ECI2: variants seen among roughly 807,000 people sequenced by gnomAD.
ECI2 encodes the protein enoyl-CoA delta isomerase 2.
In ECI2, 27 loss-of-function variants were observed where a neutral mutation model predicts 38.4. The ratio of observed to expected loss-of-function variants is 0.70; its 90% CI spans 0.52 to 0.97. The LOEUF (loss-of-function observed/expected upper bound fraction) is 0.97, where lower values mean the gene tolerates loss of function less well. ECI2 is among the 50% of genes least tolerant of loss of function. The pLI is 0.00. For synonymous variants in ECI2, 168 were observed against 172.0 expected (o/e 0.98, Z 0.18); for missense variants, 470 against 474.4 (o/e 0.99, Z 0.09).
At chr6:4,123,617 G>T (rs78216271) in intron 7 of ECI2, among the ~76,000 whole-genome samples, 2 of 151,130 alleles carry the variant, frequency 1.3e-5, no homozygotes, top group South Asian at 4.2e-4. Flanking sequence ...TATGTTTTCT[G>T]ATTTCAACAT....
intron 4 of ECI2, among the ~76,000 whole-genome samples, chr6:4,129,619 A>G (rs1396617521): frequency 6.6e-6 from 1 of 152,192 alleles, no homozygotes; most frequent in African/African-American, 2.4e-5. Context: ...GAAATGAGTC[A>G]GGGGAAAGTG....
intron 4 of ECI2, 53 bp from the exon 5 acceptor site, chr6:4,127,884 C>G: frequency 1.3e-6 from 2 of 1,537,868 alleles, no homozygotes; most frequent in African/African-American, 1.4e-5. Context: ...CAGGAATCAT[C>G]AATCAATGGA....
chr6:4,129,833 G>A (rs143169332), intron 4 of ECI2, among the ~76,000 whole-genome samples: 2 of 152,164 alleles, frequency 1.3e-5, no homozygotes, highest in African/African-American at 4.8e-5. Flanking sequence ...TCAAGAAGAA[G>A]GGGCTAAGGT....
intron 8 of ECI2, 95 bp from the exon 9 acceptor site, chr6:4,117,546 T>C (rs768920826): frequency 3.0e-5 from 45 of 1,494,418 alleles, no homozygotes; most frequent in Non-Finnish European, 3.6e-5. Flanking sequence ...GATGTACTCA[T>C]GGTCTTTTGA....
rs561239737 is a variant in ECI2, at chr6:4,128,208, GA to G, written c.502-378del. 3.7e-3 allele frequency among the ~76,000 whole-genome samples: 559 copies of G among 152,048 alleles called. 4 individuals carry two copies. The highest frequency in any genetic ancestry group is 0.012 in the African/African-American group (514 of 41,444). The stretch of plus-strand genomic sequence containing the variant: ...AAAGTACAAAGTAGCAGGGAACTCA[GA>G]GGAGGTGCTGAGGCTTATCTAGTGT... On this transcript the variant is annotated intron_variant, in intron 4 of 9. Coordinates refer to ENST00000380118, the MANE Select transcript of ECI2 (RefSeq NM_206836.3).
chr6:4,124,545 G>A (rs528987550), intron 7 of ECI2, among the ~76,000 whole-genome samples: 2 of 152,264 alleles, frequency 1.3e-5, no homozygotes, highest in East Asian at 1.9e-4. Flanking sequence ...ACAGCCTAGG[G>A]TTCCAGCAGT....
chr6:4,117,619 T>C (rs1216197903), intron 8 of ECI2, 168 bp from the exon 9 acceptor site: 1 of 836,400 alleles, frequency 1.2e-6, no homozygotes, highest in Non-Finnish European at 1.7e-6. Context: ...GTTTGCAAAC[T>C]GTGTGCTGAG....
intron 7 of ECI2, among the ~76,000 whole-genome samples, chr6:4,123,976 A>G (rs1421272315): frequency 6.6e-6 from 1 of 152,090 alleles, no homozygotes; most frequent in Non-Finnish European, 1.5e-5. Context: ...AAAAAAAAAA[A>G]TAAGGATGAT....
intron 8 of ECI2, 70 bp downstream of exon 8, chr6:4,119,116 T>TA (rs1446734935): frequency 1.6e-6 from 2 of 1,259,628 alleles, no homozygotes; most frequent in Admixed American, 2.0e-5. Flanking sequence ...AGGGAGAGTA[T>TA]ATGAGATTAC....
chr6:4,130,273 T>C (rs1773434375), intron 4 of ECI2, 99 bp downstream of exon 4: 2 of 1,613,432 alleles, frequency 1.2e-6, no homozygotes, highest in East Asian at 2.2e-5. Context: ...ACAAGAGATA[T>C]CTTAAAATAG....
chr6:4,121,945 A>G, intron 7 of ECI2: 1 of 1,557,720 alleles, frequency 6.4e-7, no homozygotes, highest in South Asian at 1.2e-5. Flanking sequence ...TTTTTATCCA[A>G]AAGAAAACTT....
At chr6:4,125,485 C>G (rs962707051) in intron 6 of ECI2, 115 bp from the exon 7 acceptor site, 2 of 1,452,330 alleles carry the variant, frequency 1.4e-6, no homozygotes, top group Non-Finnish European at 1.9e-6. Context: ...GTTTCCACAG[C>G]CACCACCAGC....
intron 8 of ECI2, chr6:4,118,310 G>A (rs1005197264): frequency 2.6e-5 from 4 of 152,544 alleles, no homozygotes; most frequent in Non-Finnish European, 4.4e-5. Context: ...GGGATTACAG[G>A]TGTGAGCCAC....
At chr6:4,135,001 G>GT (rs147511679) in intron 1 of ECI2, 158 of 396,702 alleles carry the variant, frequency 4.0e-4, no homozygotes, top group African/African-American at 2.6e-3. Flanking sequence ...CCCCAGGGAG[G>GT]TGCAGCGTGC....
chr6:4,134,692 G>A (rs1561661157), intron 1 of ECI2, among the ~76,000 whole-genome samples: 1 of 152,124 alleles, frequency 6.6e-6, no homozygotes, highest in Non-Finnish European at 1.5e-5. Flanking sequence ...CCTAGAGTAA[G>A]TTTTACATTA....
intron 6 of ECI2, chr6:4,125,586 G>A (rs1176838139): frequency 1.6e-6 from 1 of 622,214 alleles, no homozygotes; most frequent in Non-Finnish European, 2.7e-6. Context: ...AGACCAACCA[G>A]TGAGACCTAT....
At chr6:4,133,783 C>G in intron 1 of ECI2, 72 bp from the exon 2 acceptor site, 1 of 1,489,334 alleles carries the variant, frequency 6.7e-7, no homozygotes, top group South Asian at 1.4e-5. Flanking sequence ...CTAATTGTTC[C>G]CAGCCTATAC....
rs142570267 is a variant in ECI2 at position 4,133,188 on chromosome 6, G to A, written c.213+361C>T. Among the ~76,000 whole-genome samples, 253 of 152,170 alleles carry A rather than the reference G, an allele frequency of 1.7e-3. 1 individual carries two copies. Among genetic ancestry groups the A allele is most frequent in the Non-Finnish European group, 3.0e-3 (201 of 68,004 alleles). On this transcript the variant is annotated intron_variant, in intron 2 of 9. Coordinates refer to ENST00000380118, the MANE Select transcript of ECI2 (RefSeq NM_206836.3). ...CTTATATAACCTTGACACCATTAAC[G>A]ATGATTTCTAGGTATCTTCTAACAC...
intron 4 of ECI2, among the ~76,000 whole-genome samples, chr6:4,129,920 G>A (rs752313460): frequency 2.0e-5 from 3 of 152,000 alleles, no homozygotes; most frequent in South Asian, 4.2e-4. Context: ...ACTTTAAAGC[G>A]GAGCTGGGTG....
Sources: allele counts gnomAD v4.1 joint callset (sites outside exome capture counted in the v4.1 genomes callset), GRCh38; gene constraint gnomAD v4.1.1; transcripts MANE v1.5; gene names NCBI Gene and HGNC (gene_info 2026-07-23, HGNC 2026-07-21).